The following PRKG1 variants were observed in gnomAD, a reference collection of about 807,000 sequenced individuals.
PRKG1 encodes protein kinase cGMP-dependent 1.
In PRKG1, 35 loss-of-function variants were observed where a neutral mutation model predicts 88.1. The ratio of observed to expected loss-of-function variants is 0.40; its 90% CI spans 0.30 to 0.53. The LOEUF is 0.53. Among genes scored for constraint, PRKG1 ranks in the 20% least tolerant of loss-of-function variants. The pLI, the probability that PRKG1 is intolerant of heterozygous loss-of-function variation, is 0.59. For missense variants in PRKG1, 540 were observed against 839.8 expected (o/e 0.64, Z 4.41); for synonymous variants, 303 against 292.5 (o/e 1.04, Z -0.37).
At chr10:51,374,175 G>A (rs1365209414) in intron 2 of PRKG1, among the ~76,000 whole-genome samples, 1 of 149,486 alleles carries the variant, frequency 6.7e-6, no homozygotes, top group Non-Finnish European at 1.5e-5. Flanking sequence ...GTATACACAT[G>A]CCATGCACCC....
At chr10:52,177,442 G>A (rs1027324980) in intron 9 of PRKG1, among the ~76,000 whole-genome samples, 16 of 152,064 alleles carry the variant, frequency 1.1e-4, no homozygotes, top group South Asian at 2.1e-4. Flanking sequence ...ATGTTCATCA[G>A]GGATATTTGC....
chr10:51,196,672 G>T (rs556413579), intron 2 of PRKG1, among the ~76,000 whole-genome samples: 1 of 152,144 alleles, frequency 6.6e-6, no homozygotes, highest in African/African-American at 2.4e-5. Flanking sequence ...GAAGAAAAAT[G>T]ACCTGAAATT....
At chr10:51,630,774 C>G (rs1269065772) in intron 3 of PRKG1, among the ~76,000 whole-genome samples, 2 of 152,160 alleles carry the variant, frequency 1.3e-5, no homozygotes, top group East Asian at 1.9e-4. Flanking sequence ...CGAACTGCAG[C>G]CTCTCCTAAA....
At chr10:52,227,699 T>TA (rs894783365) in intron 9 of PRKG1, among the ~76,000 whole-genome samples, 124 of 152,248 alleles carry the variant, frequency 8.1e-4, no homozygotes, top group African/African-American at 2.8e-3. Context: ...TAGTAAAATA[T>TA]AAAGACATGA....
chr10:51,139,105 A>G (rs950603994), intron 1 of PRKG1, among the ~76,000 whole-genome samples: 1 of 152,160 alleles, frequency 6.6e-6, no homozygotes, highest in African/African-American at 2.4e-5. Flanking sequence ...TTTTAAATGA[A>G]GAGCATAGCA....
chr10:51,748,438 G>A (rs1012942955), intron 3 of PRKG1, among the ~76,000 whole-genome samples: 4 of 152,096 alleles, frequency 2.6e-5, no homozygotes, highest in African/African-American at 7.2e-5. Context: ...TGGTATTTAG[G>A]TTTTATCTTT....
intron 3 of PRKG1, among the ~76,000 whole-genome samples, chr10:51,735,469 T>C (rs191614800): frequency 1.7e-4 from 26 of 152,292 alleles, no homozygotes; most frequent in African/African-American, 6.0e-4. Context: ...ATCCTGTTTT[T>C]CATGGTTCCC....
chr10:51,665,141 G>A (rs998269615), intron 3 of PRKG1, among the ~76,000 whole-genome samples: 10 of 152,088 alleles, frequency 6.6e-5, no homozygotes, highest in East Asian at 3.9e-4. Context: ...AACTTGAATC[G>A]TTATCTGGGC....
chr10:51,791,152 G>T (rs887080185), intron 3 of PRKG1, among the ~76,000 whole-genome samples: 1 of 152,060 alleles, frequency 6.6e-6, no homozygotes, highest in Non-Finnish European at 1.5e-5. Flanking sequence ...AATAGTTAAG[G>T]CTGTTAGCTT....
At chr10:51,845,057 G>C (rs931803342) in intron 4 of PRKG1, among the ~76,000 whole-genome samples, 13 of 152,094 alleles carry the variant, frequency 8.5e-5, no homozygotes, top group African/African-American at 2.9e-4. Flanking sequence ...GCTTTATGTA[G>C]AAATGTAAAT....
At chr10:51,166,942 A>G (rs1846560519) in intron 2 of PRKG1, among the ~76,000 whole-genome samples, 1 of 152,166 alleles carries the variant, frequency 6.6e-6, no homozygotes, top group South Asian at 2.1e-4. Context: ...TATAGTCTTT[A>G]TTCTCCTTTA....
intron 2 of PRKG1, among the ~76,000 whole-genome samples, chr10:51,196,563 A>C (rs1181156438): frequency 6.6e-6 from 1 of 152,188 alleles, no homozygotes; most frequent in Non-Finnish European, 1.5e-5. Context: ...ACATACATAA[A>C]TACTACAATA....
At chr10:51,129,942 G>A (rs1391772992) in intron 1 of PRKG1, among the ~76,000 whole-genome samples, 3 of 152,188 alleles carry the variant, frequency 2.0e-5, no homozygotes, top group African/African-American at 2.4e-5. Flanking sequence ...TACTGCTGGT[G>A]TGGAGGATAG....
chr10:52,258,900 T>G (rs1187256638), intron 10 of PRKG1, among the ~76,000 whole-genome samples: 1 of 151,794 alleles, frequency 6.6e-6, no homozygotes, highest in Non-Finnish European at 1.5e-5. Flanking sequence ...AGCCAGGCAG[T>G]GGAGAATAGG....
chr10:51,051,143 G>A (rs1015213060), intron 1 of PRKG1, among the ~76,000 whole-genome samples: 2 of 152,014 alleles, frequency 1.3e-5, no homozygotes, highest in Non-Finnish European at 2.9e-5. Context: ...TTTCTATGCT[G>A]TACAGAAGGT....
At chr10:51,893,699 A>G (rs753765443) in intron 4 of PRKG1, among the ~76,000 whole-genome samples, 7 of 152,220 alleles carry the variant, frequency 4.6e-5, no homozygotes, top group Non-Finnish European at 8.8e-5. Flanking sequence ...ACCCTACAGC[A>G]GCCCCTTGGC....
At chr10:51,751,717 G>A (rs1289515776) in intron 3 of PRKG1, among the ~76,000 whole-genome samples, 1 of 151,986 alleles carries the variant, frequency 6.6e-6, no homozygotes, top group Non-Finnish European at 1.5e-5. Context: ...AGAAACCTAT[G>A]CTTTCCTTCA....
At chr10:51,740,086 G>A (rs907513532) in intron 3 of PRKG1, among the ~76,000 whole-genome samples, 10 of 152,168 alleles carry the variant, frequency 6.6e-5, no homozygotes, top group Non-Finnish European at 1.3e-4. Context: ...GGAGTGCAGT[G>A]GTATGACCTT....
At chr10:51,086,625 GAGAAC>G (rs1355311777) in intron 1 of PRKG1, among the ~76,000 whole-genome samples, 1 of 152,096 alleles carries the variant, frequency 6.6e-6, no homozygotes, top group Non-Finnish European at 1.5e-5. Context: ...TTAGAAAATG[GAGAAC>G]AGAAGAACCA....
Sources: gnomAD v4.1 joint callset for allele counts (sites outside exome capture counted in the v4.1 genomes callset) on GRCh38, gnomAD v4.1.1 for gene constraint, MANE v1.5 for transcripts, NCBI Gene and HGNC (gene_info 2026-07-23, HGNC 2026-07-21) for gene names.